Variants in ASTN2 observed in about 807,000 individuals in gnomAD.
The protein encoded by ASTN2 is astrotactin-2.
ASTN2 carries 54 observed loss-of-function variants against 139.8 expected under a neutral mutation model. The ratio of observed to expected loss-of-function variants is 0.39; its 90% CI spans 0.31 to 0.48. The LOEUF (loss-of-function observed/expected upper bound fraction) is 0.48. ASTN2 is among the 20% of genes least tolerant of loss of function. ASTN2 has a pLI of 0.95. For missense variants in ASTN2, 1,565 were observed against 1,725.1 expected, an observed-to-expected ratio of 0.91 and a Z score of 1.64; for synonymous variants, 756 against 719.5, an observed-to-expected ratio of 1.05 and a Z score of -0.81.
intron 3 of ASTN2, chr9:117,180,949 T>A: frequency 6.3e-7 from 1 of 1,598,068 alleles, no homozygotes. Context: ...CATGATAACT[T>A]GGCCAATGTG....
At chr9:116,635,973 T>C (rs967932994) in intron 17 of ASTN2, among the ~76,000 whole-genome samples, 5 of 152,250 alleles carry the variant, frequency 3.3e-5, no homozygotes, top group Admixed American at 2.0e-4. Flanking sequence ...TGGAAAATGA[T>C]AGAAGAAACT....
chr9:117,335,846 T>C (rs1052272528), intron 1 of ASTN2, among the ~76,000 whole-genome samples: 2 of 152,200 alleles, frequency 1.3e-5, no homozygotes, highest in Non-Finnish European at 1.5e-5. Flanking sequence ...ATGAAATCCA[T>C]ATCTATGTGT....
At chr9:117,153,586 T>A (rs964418344) in intron 3 of ASTN2, among the ~76,000 whole-genome samples, 1 of 152,152 alleles carries the variant, frequency 6.6e-6, no homozygotes, top group African/African-American at 2.4e-5. Flanking sequence ...AACCTTAGAA[T>A]AGCAGAACTG....
intron 12 of ASTN2, among the ~76,000 whole-genome samples, chr9:116,818,100 G>C (rs1477956382): frequency 2.0e-5 from 3 of 152,040 alleles, no homozygotes; most frequent in Non-Finnish European, 2.9e-5. Context: ...AACATCGCTT[G>C]TAGAATTGTT....
intron 20 of ASTN2, among the ~76,000 whole-genome samples, chr9:116,447,548 TG>T (rs1848036978): frequency 1.3e-5 from 2 of 152,124 alleles, no homozygotes; most frequent in African/African-American, 4.8e-5. Context: ...CTAAAATGAA[TG>T]GAATAACAAG....
rs78755322 is a variant in ASTN2, at chr9:116,525,596, T to C, written c.3356-38096A>G. The stretch of plus-strand genomic sequence containing the variant: ...CTATGCATCTCATCTCTAATAGTGG[T>C]CCATGAATTTGAGTGATTGTGGTAA... On this transcript the variant is annotated intron_variant, in intron 19 of 22. Coordinates refer to ENST00000313400, the MANE Select transcript of ASTN2 (RefSeq NM_001365068.1). Among the ~76,000 whole-genome samples the C allele has an allele frequency of 3.0e-3, 459 of 152,304 alleles. 12 individuals are homozygous for C. The East Asian group carries it at 0.081, about 27-fold the overall frequency.
At chr9:116,575,076 C>T (rs1463160846) in intron 19 of ASTN2, among the ~76,000 whole-genome samples, 1 of 152,126 alleles carries the variant, frequency 6.6e-6, no homozygotes, top group African/African-American at 2.4e-5. Context: ...CTTCTTTCTT[C>T]GTTTCATTCA....
Position 116,632,205 on chromosome 9 carries a change from A to AAAAGAAAGAAAGAAAG in ASTN2, c.3073-11778_3073-11763dup, listed in dbSNP as rs1554723306. ...GAGAGGGAGAGAGAGAGAAAGAAAGAAAAGAAAGAAAGAAAGAAAGAAAGA... is the reference window on the plus strand; with the variant it reads ...GAGAGGGAGAGAGAGAGAAAGAAAGAAAAGAAAGAAAGAAAGAAAGAAAGAAAGAAAGAAAGAAAGA... On this transcript the variant is annotated intron_variant, in intron 17 of 22. Coordinates refer to ENST00000313400, the MANE Select transcript of ASTN2 (RefSeq NM_001365068.1). 3.6e-3 allele frequency among the ~76,000 whole-genome samples: 162 copies of AAAAGAAAGAAAGAAAG among 45,278 alleles called. 1 individual carries two copies. The highest frequency in any genetic ancestry group is 4.7e-3 in the Non-Finnish European group (123 of 26,172). 29.7% of individuals were successfully genotyped at this position (45,278 alleles called of 152,430 possible).
In ASTN2 at chr9:116,424,479, C is replaced by T. The variant is rs1210866575; in HGVS notation, c.*1372G>A. 2.0e-5 allele frequency among the ~76,000 whole-genome samples: 3 copies of T among 152,180 alleles called. No homozygotes were observed. Among genetic ancestry groups the T allele is most frequent in the African/African-American group, 7.2e-5 (3 of 41,458 alleles). ...CCAAGCTCCCAGCCTCACCTTTTAA[C>T]ACTTCCTATTTTGATCCCTACTCTT... On this transcript the variant is annotated 3_prime_UTR_variant, in exon 23 of 23. Coordinates refer to ENST00000313400, the MANE Select transcript of ASTN2 (RefSeq NM_001365068.1).
intron 2 of ASTN2, among the ~76,000 whole-genome samples, chr9:117,244,823 G>T (rs1405930744): frequency 1.3e-5 from 2 of 151,898 alleles, no homozygotes; most frequent in Admixed American, 6.6e-5. Flanking sequence ...AGGAAAGATG[G>T]CTGGCTTAGG....
At chr9:117,267,535 C>G (rs57425431) in intron 2 of ASTN2, among the ~76,000 whole-genome samples, 6 of 152,136 alleles carry the variant, frequency 3.9e-5, no homozygotes, top group Admixed American at 1.3e-4. Flanking sequence ...CTAGGGGAGG[C>G]TAGGTAAAGA....
chr9:117,118,061 A>G (rs1051657926), intron 4 of ASTN2, among the ~76,000 whole-genome samples: 5 of 152,234 alleles, frequency 3.3e-5, no homozygotes, highest in Admixed American at 3.3e-4. Flanking sequence ...TTCACTGACC[A>G]GTTATAAGGA....
chr9:117,140,578 GAGATGA>G (rs1167426670), intron 4 of ASTN2, among the ~76,000 whole-genome samples: 1 of 151,560 alleles, frequency 6.6e-6, no homozygotes, highest in Non-Finnish European at 1.5e-5. Context: ...GAAGTAGGAG[GAGATGA>G]AGATGAAGGA....
intron 10 of ASTN2, among the ~76,000 whole-genome samples, chr9:116,928,661 A>G (rs928032130): frequency 2.0e-5 from 3 of 152,180 alleles, no homozygotes; most frequent in Non-Finnish European, 2.9e-5. Flanking sequence ...AAACTGTATT[A>G]AAAGAGTTGA....
chr9:116,435,318 T>G (rs1847617349), intron 22 of ASTN2, among the ~76,000 whole-genome samples: 1 of 152,154 alleles, frequency 6.6e-6, no homozygotes, highest in Non-Finnish European at 1.5e-5. Flanking sequence ...CCTCTCTTAT[T>G]TACACTGTGA....
chr9:116,458,638 C>T (rs1479345597), intron 20 of ASTN2, among the ~76,000 whole-genome samples: 2 of 151,664 alleles, frequency 1.3e-5, no homozygotes, highest in Admixed American at 6.6e-5. Context: ...AAAACCATTC[C>T]TTTGTGCAGT....
chr9:117,082,058 T>C (rs1828441973), intron 5 of ASTN2, among the ~76,000 whole-genome samples: 1 of 152,212 alleles, frequency 6.6e-6, no homozygotes, highest in Non-Finnish European at 1.5e-5. Context: ...GCTATGTTTC[T>C]GTCAACTGGT....
intron 3 of ASTN2, among the ~76,000 whole-genome samples, chr9:117,166,295 C>T (rs1830668857): frequency 1.3e-5 from 2 of 152,140 alleles, no homozygotes; most frequent in South Asian, 2.1e-4. Context: ...CCAGCAAATC[C>T]TCCGGTATGG....
chr9:116,891,330 G>T (rs1254806435), intron 10 of ASTN2, among the ~76,000 whole-genome samples: 1 of 152,190 alleles, frequency 6.6e-6, no homozygotes, highest in Non-Finnish European at 1.5e-5. Flanking sequence ...ATACCTGCCT[G>T]GGTTTGTGTT....
Sources: gnomAD v4.1 joint callset for allele counts (sites outside exome capture counted in the v4.1 genomes callset) on GRCh38, gnomAD v4.1.1 for gene constraint, MANE v1.5 for transcripts, NCBI Gene and HGNC (gene_info 2026-07-23, HGNC 2026-07-21) for gene names.